Variants in WDR70 observed in about 807,000 individuals in gnomAD.
WDR70 encodes the protein WD repeat-containing protein 70.
A neutral mutation model predicts 88.6 loss-of-function variants in WDR70; 53 were observed. The observed-to-expected ratio is 0.60, with a 90% CI of 0.48 to 0.75. WDR70 has a LOEUF of 0.75. WDR70 is among the 30% of genes least tolerant of loss of function. The pLI, the probability that WDR70 is intolerant of heterozygous loss-of-function variation, is 0.00. For synonymous variants in WDR70, 280 were observed against 270.0 expected (o/e 1.04, Z -0.36); for missense variants, 610 against 823.2 (o/e 0.74, Z 3.17).
chr5:37,392,231 T>G (rs1748854883), intron 4 of WDR70, 111 bp downstream of exon 4: 4 of 1,232,924 alleles, frequency 3.2e-6, no homozygotes, highest in Non-Finnish European at 4.5e-6. Flanking sequence ...TATCGCCCTC[T>G]GCAGTGCAGT....
chr5:37,660,399 A>G (rs1044606219), intron 10 of WDR70, among the ~76,000 whole-genome samples: 1 of 150,988 alleles, frequency 6.6e-6, no homozygotes, highest in Non-Finnish European at 1.5e-5. Context: ...TTACTGAGAG[A>G]GGAATATTGA....
chr5:37,413,780 A>C (rs1196062897), intron 5 of WDR70, among the ~76,000 whole-genome samples: 1 of 151,616 alleles, frequency 6.6e-6, no homozygotes. Context: ...CTCATACTTT[A>C]ATATTGAAGT....
chr5:37,505,749 A>AT (rs2112230530), intron 8 of WDR70: 1 of 1,349,320 alleles, frequency 7.4e-7, no homozygotes, highest in East Asian at 2.3e-5. Flanking sequence ...AGCTCCCTAC[A>AT]CGTTGGACCC....
intron 8 of WDR70, among the ~76,000 whole-genome samples, chr5:37,510,929 C>G (rs1014122230): frequency 9.9e-5 from 15 of 152,140 alleles, no homozygotes; most frequent in Admixed American, 1.3e-4. Flanking sequence ...TGGTGTCCTC[C>G]TTTCTTCATC....
At chr5:37,553,089 T>G (rs368198107) in intron 9 of WDR70, among the ~76,000 whole-genome samples, 2 of 152,290 alleles carry the variant, frequency 1.3e-5, no homozygotes, top group Admixed American at 6.5e-5. Flanking sequence ...TTTTCTTACT[T>G]CAAAATAACC....
Position 37,691,625 on chromosome 5 carries a change from G to A in WDR70, c.1093-6030G>A, listed in dbSNP as rs182286566. Among the ~76,000 whole-genome samples, 1,228 of 152,254 alleles carry A rather than the reference G, an allele frequency of 8.1e-3. 11 individuals carry two copies. The highest frequency in any genetic ancestry group is 0.013 in the Non-Finnish European group (886 of 68,014). On this transcript the variant is annotated intron_variant, in intron 10 of 17. Coordinates refer to ENST00000265107, the MANE Select transcript of WDR70 (RefSeq NM_018034.4). ...CCTGAATGACTACTGGGTAAATAAT[G>A]AAATGAAGGCAGAAATAAAGATGTT...
chr5:37,707,517 AAC>A (rs1747360884), intron 13 of WDR70, among the ~76,000 whole-genome samples: 1 of 152,222 alleles, frequency 6.6e-6, no homozygotes. Flanking sequence ...TATTTTTGAA[AAC>A]ACTGCTATAA....
At chr5:37,412,282 G>C (rs1749550270) in intron 5 of WDR70, among the ~76,000 whole-genome samples, 1 of 152,162 alleles carries the variant, frequency 6.6e-6, no homozygotes, top group African/African-American at 2.4e-5. Flanking sequence ...AGCTACTCGG[G>C]AAGCTGAGGC....
chr5:37,393,593 A>AT (rs1174715630), intron 4 of WDR70, among the ~76,000 whole-genome samples: 1 of 152,112 alleles, frequency 6.6e-6, no homozygotes, highest in Non-Finnish European at 1.5e-5. Flanking sequence ...ATTAAAAAAA[A>AT]ATTTTTTTTA....
In WDR70 at chr5:37,648,918, T is replaced by C. The variant is rs76107573; in HGVS notation, c.1092+43680T>C. ...CTTCTTATTAGTTTAACACATTAAT[T>C]TTTCATTAATAACATTGTCAATGGA... On this transcript the variant is annotated intron_variant, in intron 10 of 17. Transcript: ENST00000265107. Among the ~76,000 whole-genome samples the C allele has an allele frequency of 3.9e-5, 6 of 152,348 alleles. No individual in the cohort carries two copies. In the East Asian group the frequency reaches 1.2e-3, roughly 29 times the overall value.
rs377533265 is a variant in WDR70 at position 37,582,826 on chromosome 5, T to C, written c.918-22238T>C. Among the ~76,000 whole-genome samples, 14 of 152,324 alleles carry C rather than the reference T, an allele frequency of 9.2e-5. No homozygotes were observed. The South Asian group carries it at 1.0e-3, about 11-fold the overall frequency. On this transcript the variant is annotated intron_variant, in intron 9 of 17. Coordinates refer to ENST00000265107, the MANE Select transcript of WDR70 (RefSeq NM_018034.4). ...AAAGGTCTTAAGTAACTGGAAAACA[T>C]ATGGAGAGTATGCCAAGTTTCATCT...
intron 7 of WDR70, among the ~76,000 whole-genome samples, chr5:37,461,040 G>A (rs1243131596): frequency 6.7e-6 from 1 of 148,708 alleles, no homozygotes; most frequent in African/African-American, 2.5e-5. Flanking sequence ...TTTTGCTCAG[G>A]ATGCATGTGT....
chr5:37,675,434 T>C (rs1016202434), intron 10 of WDR70, among the ~76,000 whole-genome samples: 1 of 152,164 alleles, frequency 6.6e-6, no homozygotes, highest in African/African-American at 2.4e-5. Flanking sequence ...AGGGATCCAG[T>C]TTCAGCTTTC....
intron 9 of WDR70, among the ~76,000 whole-genome samples, chr5:37,540,949 G>A (rs753011858): frequency 1.3e-5 from 2 of 151,976 alleles, no homozygotes; most frequent in Non-Finnish European, 2.9e-5. Context: ...GTTGAATAGG[G>A]GTTATAAAAC....
intron 9 of WDR70, among the ~76,000 whole-genome samples, chr5:37,563,319 CT>C (rs2112382860): frequency 1.6e-5 from 1 of 62,918 alleles, no homozygotes; most frequent in Non-Finnish European, 3.9e-5. Flanking sequence ...CCCCACCTCC[CT>C]CCTGGACGGG....
chr5:37,398,310 G>A (rs1270099716), intron 5 of WDR70, among the ~76,000 whole-genome samples: 2 of 151,710 alleles, frequency 1.3e-5, no homozygotes, highest in Non-Finnish European at 2.9e-5. Flanking sequence ...GGATGGTCTC[G>A]ATCTCCTGAC....
chr5:37,697,295 A>G (rs1429498926), intron 10 of WDR70, among the ~76,000 whole-genome samples: 2 of 152,194 alleles, frequency 1.3e-5, no homozygotes, highest in Non-Finnish European at 2.9e-5. Context: ...ATTTTGATTT[A>G]TATTTGCTCT....
intron 10 of WDR70, among the ~76,000 whole-genome samples, chr5:37,652,548 G>A (rs952783856): frequency 2.0e-5 from 3 of 152,140 alleles, no homozygotes; most frequent in African/African-American, 2.4e-5. Context: ...CCATTTTCAC[G>A]ACATTGATTC....
intron 10 of WDR70, among the ~76,000 whole-genome samples, chr5:37,686,734 G>A (rs1414049640): frequency 6.6e-6 from 1 of 151,778 alleles, no homozygotes; most frequent in African/African-American, 2.4e-5. Context: ...TGAGAAAAGA[G>A]GTATACAGAC....
Sources: allele counts gnomAD v4.1 joint callset (sites outside exome capture counted in the v4.1 genomes callset), GRCh38; gene constraint gnomAD v4.1.1; transcripts MANE v1.5; gene names NCBI Gene and HGNC (gene_info 2026-07-23, HGNC 2026-07-21).